ZC3HAV1: variants seen among roughly 807,000 people sequenced by gnomAD.
The protein encoded by ZC3HAV1 is zinc finger CCCH-type containing, antiviral 1.
ZC3HAV1 carries 41 observed loss-of-function variants against 86.6 expected under a neutral mutation model. That is an observed-to-expected ratio of 0.47 (90% CI 0.37 to 0.61). ZC3HAV1 has a LOEUF of 0.61. ZC3HAV1 is among the 20% of genes least tolerant of loss of function. The pLI is 0.00. For synonymous variants in ZC3HAV1, 421 were observed against 432.1 expected, an observed-to-expected ratio of 0.97 and a Z score of 0.32; for missense variants, 964 against 1,141.1, an observed-to-expected ratio of 0.84 and a Z score of 2.24.
intron 3 of ZC3HAV1, among the ~76,000 whole-genome samples, chr7:139,082,849 C>T (rs928695633): frequency 2.0e-5 from 3 of 150,676 alleles, no homozygotes; most frequent in East Asian, 2.0e-4. Context: ...GTTATTGTGG[C>T]TTTTTTTAGA....
At chr7:139,048,897 T>C (rs1440691779) in intron 12 of ZC3HAV1, among the ~76,000 whole-genome samples, 1 of 152,176 alleles carries the variant, frequency 6.6e-6, no homozygotes, top group Non-Finnish European at 1.5e-5. Flanking sequence ...CTACCTATAC[T>C]GACCTACGAC....
rs1817375020 is a variant in ZC3HAV1 at position 139,089,707 on chromosome 7, G to A, written c.361C>T (p.Leu121=). The change falls in exon 2 of 13, where the codon CTG becomes TTG. Residue 121 remains leucine, a synonymous_variant. Transcript: ENST00000242351. ...EVLSEENFKV[L]KNHELSGLNK... ...AGTCCAGAGAGTTCGTGATTTTTCA[G>A]GACTTTGAAGTTCTCTTCTGAGAGA... is the stretch of plus-strand genomic sequence containing the variant. 1 of 1,612,894 alleles carries A rather than the reference G, an allele frequency of 6.2e-7. No individual in the cohort carries two copies. Among genetic ancestry groups the A allele is most frequent in the African/African-American group, 1.3e-5 (1 of 74,834 alleles).
rs1481217088 is a variant in ZC3HAV1 at position 139,046,067 on chromosome 7, C to G, written c.*1527G>C. 2.0e-5 allele frequency: 3 copies of G among 151,786 alleles called. No homozygotes were observed. The highest frequency in any genetic ancestry group is 4.4e-5 in the Non-Finnish European group (3 of 67,968). 9.4% of individuals were successfully genotyped at this position (151,786 alleles called of 1,614,324 possible). A position where few individuals can be genotyped will look rare whatever the true frequency, so the allele number is the denominator to read the frequency against. Reference sequence around the variant, plus strand: ...TGCTAAAAGAAATTATAACAGGAAACTTTGGTGACTGGTAAGGAATGTTGA... The same window carrying G: ...TGCTAAAAGAAATTATAACAGGAAAGTTTGGTGACTGGTAAGGAATGTTGA... On this transcript the variant is annotated 3_prime_UTR_variant, in exon 13 of 13. Transcript: ENST00000242351.
chr7:139,097,431 T>A (rs398047561), intron 1 of ZC3HAV1, among the ~76,000 whole-genome samples: 1,988 of 91,104 alleles, frequency 0.022, 9 homozygotes, highest in Non-Finnish European at 0.028. Flanking sequence ...TATATATATT[T>A]TTTTTTTTTT....
chr7:139,047,326 C>G lies in ZC3HAV1; in HGVS notation c.*268G>C, dbSNP rs1440724240. On this transcript the variant is annotated 3_prime_UTR_variant, in exon 13 of 13. Coordinates refer to ENST00000242351, the MANE Select transcript of ZC3HAV1 (RefSeq NM_020119.4). ...CCTGGACGATGGAGTGAGATTCAGTCTCAAAAAAAAAAAAAAAAAAAAAAA... is the reference window on the plus strand; with the variant it reads ...CCTGGACGATGGAGTGAGATTCAGTGTCAAAAAAAAAAAAAAAAAAAAAAA... 2 of 279,156 alleles carry G rather than the reference C, an allele frequency of 7.2e-6. No individual in the cohort carries two copies. The highest frequency in any genetic ancestry group is 6.1e-5 in the African/African-American group (1 of 16,278). 17.3% of individuals were successfully genotyped at this position (279,156 alleles called of 1,614,324 possible).
chr7:139,050,348 A>C (rs1181344112), intron 12 of ZC3HAV1, among the ~76,000 whole-genome samples: 1 of 152,092 alleles, frequency 6.6e-6, no homozygotes, highest in Non-Finnish European at 1.5e-5. Context: ...GTTCATTTCT[A>C]TTCCTACATT....
intron 7 of ZC3HAV1, among the ~76,000 whole-genome samples, chr7:139,065,867 G>A (rs932302015): frequency 1.1e-4 from 16 of 152,124 alleles, no homozygotes; most frequent in Admixed American, 1.0e-3. Flanking sequence ...TCGTGCCACT[G>A]CAGAGCCTGG....
intron 2 of ZC3HAV1, among the ~76,000 whole-genome samples, chr7:139,088,402 G>T (rs1399328221): frequency 6.6e-6 from 1 of 152,192 alleles, no homozygotes; most frequent in Admixed American, 6.5e-5. Flanking sequence ...CAATGTGATT[G>T]AGCAGATGTG....
intron 1 of ZC3HAV1, among the ~76,000 whole-genome samples, chr7:139,105,939 C>T (rs1817923533): frequency 1.3e-5 from 2 of 152,012 alleles, no homozygotes; most frequent in Admixed American, 6.6e-5. Flanking sequence ...CCCAGAGGTC[C>T]TTATTACAAC....
At chr7:139,100,628 C>G (rs1364628715) in intron 1 of ZC3HAV1, among the ~76,000 whole-genome samples, 1 of 152,196 alleles carries the variant, frequency 6.6e-6, no homozygotes, top group African/African-American at 2.4e-5. Context: ...TAAAAGCTGA[C>G]GATACCACTT....
intron 1 of ZC3HAV1, among the ~76,000 whole-genome samples, chr7:139,103,293 T>TG (rs1260757458): frequency 3.3e-5 from 5 of 151,300 alleles, no homozygotes; most frequent in Admixed American, 6.6e-5. Context: ...TATTTTTTGA[T>TG]GGGGTCTCAC....
intron 3 of ZC3HAV1, 101 bp downstream of exon 3, chr7:139,083,679 A>G (rs1817191553): frequency 7.0e-7 from 1 of 1,430,314 alleles, no homozygotes; most frequent in African/African-American, 1.5e-5. Context: ...GTGAGCTGAG[A>G]TCACGCCACT....
intron 1 of ZC3HAV1, among the ~76,000 whole-genome samples, chr7:139,097,428 A>ATATATATTTT: frequency 4.2e-5 from 2 of 48,160 alleles, no homozygotes; most frequent in African/African-American, 2.3e-4. Context: ...ATATATATAT[A>ATATATATTTT]TTTTTTTTTT....
chr7:139,097,465 C>T lies in ZC3HAV1; in HGVS notation c.309-7706G>A, dbSNP rs898175152. Among the ~76,000 whole-genome samples the T allele has an allele frequency of 8.5e-4, 99 of 116,364 alleles. 1 individual carries two copies. Among genetic ancestry groups the T allele is most frequent in the African/African-American group, 3.6e-3 (94 of 26,402 alleles). 76.3% of individuals were successfully genotyped at this position (116,364 alleles called of 152,430 possible). Reference sequence around the variant, plus strand: ...TTTTTTTTTCTTTGAGATGGAGTCTCGCTCTGTCGCCCAGGCTGGAGTGCA... The same window carrying T: ...TTTTTTTTTCTTTGAGATGGAGTCTTGCTCTGTCGCCCAGGCTGGAGTGCA... On this transcript the variant is annotated intron_variant, in intron 1 of 12. Coordinates refer to ENST00000242351, the MANE Select transcript of ZC3HAV1 (RefSeq NM_020119.4).
chr7:139,102,454 A>G (rs1357238639), intron 1 of ZC3HAV1, among the ~76,000 whole-genome samples: 1 of 152,190 alleles, frequency 6.6e-6, no homozygotes, highest in Non-Finnish European at 1.5e-5. Flanking sequence ...AAGAAGATCA[A>G]TATATAAATT....
intron 1 of ZC3HAV1, among the ~76,000 whole-genome samples, chr7:139,101,151 C>G (rs750643011): frequency 6.6e-6 from 1 of 152,140 alleles, no homozygotes; most frequent in Admixed American, 6.5e-5. Flanking sequence ...AGTGCTCAAT[C>G]TTGCCCAGGC....
rs551712918 is a variant in ZC3HAV1 at position 139,047,254 on chromosome 7, G to T, written c.*340C>A. Reference sequence around the variant, plus strand: ...TGAGGCAGGAGAATTGCTTGAACCCGGGAGGCAGAGGTTGCAGTGAGCCGA... The same window carrying T: ...TGAGGCAGGAGAATTGCTTGAACCCTGGAGGCAGAGGTTGCAGTGAGCCGA... On this transcript the variant is annotated 3_prime_UTR_variant, in exon 13 of 13. Transcript: ENST00000242351. 2.3e-4 allele frequency: 59 copies of T among 261,188 alleles called. No homozygotes were observed. Among genetic ancestry groups the T allele is most frequent in the South Asian group, 2.2e-3 (59 of 26,320 alleles). The allele number at this position is 261,188 out of a possible 1,614,324, so 16.2% of individuals were successfully genotyped here.
chr7:139,094,624 ATG>A (rs1817530707), intron 1 of ZC3HAV1, among the ~76,000 whole-genome samples: 1 of 152,222 alleles, frequency 6.6e-6, no homozygotes, highest in South Asian at 2.1e-4. Context: ...ACAGAACAAA[ATG>A]TTATTTTAGC....
At chr7:139,064,524 C>T (rs1563127507) in intron 8 of ZC3HAV1, among the ~76,000 whole-genome samples, 2 of 152,196 alleles carry the variant, frequency 1.3e-5, no homozygotes. Context: ...ACCGTAGTCA[C>T]CAGCACCTGA....
Sources: gnomAD v4.1 joint callset for allele counts (sites outside exome capture counted in the v4.1 genomes callset) on GRCh38, gnomAD v4.1.1 for gene constraint, MANE v1.5 for transcripts, NCBI Gene and HGNC (gene_info 2026-07-23, HGNC 2026-07-21) for gene names.